Variants in STK32B observed in about 807,000 individuals in gnomAD.
STK32B encodes the protein serine/threonine kinase 32B.
Under a neutral mutation model 52.6 loss-of-function variants are expected in STK32B, and 43 were observed. The observed-to-expected ratio is 0.82, with a 90% CI of 0.64 to 1.05. The LOEUF (loss-of-function observed/expected upper bound fraction) is 1.05. STK32B is among the 50% of genes least tolerant of loss of function. The probability of loss-of-function intolerance (pLI) is 0.00; values close to 1 mark genes in which losing one functional copy is unlikely to be tolerated. For synonymous variants in STK32B, 238 were observed against 204.3 expected (o/e 1.17, Z -1.41); for missense variants, 621 against 534.6 (o/e 1.16, Z -1.59).
chr4:5,486,950 T>C (rs927479627), intron 11 of STK32B, among the ~76,000 whole-genome samples: 3 of 152,242 alleles, frequency 2.0e-5, no homozygotes, highest in African/African-American at 7.2e-5. Context: ...TGGTAAGTAA[T>C]AGCAGTGGGC....
At chr4:5,437,827 G>C in intron 6 of STK32B, 3 of 784,652 alleles carry the variant, frequency 3.8e-6, no homozygotes, top group South Asian at 5.8e-5. Flanking sequence ...CTCTAAACCT[G>C]TGTAGTTCTC....
Position 5,394,116 on chromosome 4 carries a change from C to A in STK32B, c.435-4091C>A, listed in dbSNP as rs1251981706. On this transcript the variant is annotated intron_variant, in intron 4 of 11. Transcript: ENST00000282908. The surrounding 1 kb of genome is among the most constrained non-coding windows in gnomAD (Gnocchi z 4.2). ...CTGCTTTGCAGTCTGTGCATGGGTA[C>A]CTCTGGATCAGAGCCATTTCTATGC... Among the ~76,000 whole-genome samples the A allele has an allele frequency of 6.6e-6, 1 of 152,148 alleles. No individual in the cohort carries two copies. Among genetic ancestry groups the A allele is most frequent in the Non-Finnish European group, 1.5e-5 (1 of 68,030 alleles).
intron 2 of STK32B, among the ~76,000 whole-genome samples, chr4:5,166,425 G>T (rs1337539431): frequency 6.7e-6 from 1 of 150,176 alleles, no homozygotes; most frequent in Non-Finnish European, 1.5e-5. Context: ...CTCAGAATGT[G>T]GCCTTCTTTG....
chr4:5,297,994 A>G (rs977038597), intron 3 of STK32B, among the ~76,000 whole-genome samples: 6 of 152,144 alleles, frequency 3.9e-5, no homozygotes, highest in South Asian at 2.1e-4. Context: ...GTTGATGTCA[A>G]TGCTATTGCT....
At chr4:5,369,116 C>T (rs1405404872) in intron 4 of STK32B, among the ~76,000 whole-genome samples, 1 of 151,912 alleles carries the variant, frequency 6.6e-6, no homozygotes, top group Non-Finnish European at 1.5e-5. Context: ...CTTCTAAGAA[C>T]TCCTTGAAGA....
At chr4:5,202,028 A>T (rs965227323) in intron 3 of STK32B, among the ~76,000 whole-genome samples, 1 of 152,220 alleles carries the variant, frequency 6.6e-6, no homozygotes, top group South Asian at 2.1e-4. Flanking sequence ...GCATTAACCC[A>T]AAAGTCCAAA....
chr4:5,042,006 GCT>G, the STK32B span, among the ~76,000 whole-genome samples: 3 of 152,152 alleles, frequency 2.0e-5, no homozygotes, highest in Admixed American at 2.0e-4. Flanking sequence ...AATCACATTA[GCT>G]TCTACAGCGT....
the STK32B span, among the ~76,000 whole-genome samples, chr4:5,026,285 G>C: frequency 6.6e-6 from 1 of 152,216 alleles, no homozygotes; most frequent in Non-Finnish European, 1.5e-5. Context: ...TCAGTCCTGA[G>C]GGGTTATGGG....
At chr4:5,072,453 A>T (rs566600805) in intron 1 of STK32B, among the ~76,000 whole-genome samples, 7 of 152,196 alleles carry the variant, frequency 4.6e-5, no homozygotes, top group African/African-American at 1.7e-4. Context: ...TTCTTTGCAC[A>T]TTGCAGAAAC....
chr4:5,316,351 ATATAT>A lies in STK32B; in HGVS notation c.261-14863_261-14859del, dbSNP rs1204844240. 9.2e-4 allele frequency among the ~76,000 whole-genome samples: 32 copies of A among 34,616 alleles called. 3 individuals are homozygous for A. The highest frequency in any genetic ancestry group is 5.3e-3 in the South Asian group (5 of 948). The allele number at this position is 34,616 out of a possible 152,430, so 22.7% of individuals were successfully genotyped here. On this transcript the variant is annotated intron_variant, in intron 3 of 11. Coordinates refer to ENST00000282908, the MANE Select transcript of STK32B (RefSeq NM_018401.3). Reference sequence around the variant, plus strand: ...TATATACAATATAATATATTATATCATATATTATATATATTATATATATTAATTAT... The same window carrying A: ...TATATACAATATAATATATTATATCATATATATATTATATATATTAATTAT...
At chr4:5,262,462 A>G (rs1726774651) in intron 3 of STK32B, among the ~76,000 whole-genome samples, 1 of 108,264 alleles carries the variant, frequency 9.2e-6, no homozygotes, top group Non-Finnish European at 1.6e-5. Flanking sequence ...CGTCTCTACT[A>G]AAAAAAAAAA....
At chr4:5,310,233 A>G (rs1730203627) in intron 3 of STK32B, among the ~76,000 whole-genome samples, 1 of 152,192 alleles carries the variant, frequency 6.6e-6, no homozygotes, top group South Asian at 2.1e-4. Context: ...GGAAACAATC[A>G]ACAGAGTAAA....
intron 9 of STK32B, 56 bp from the exon 10 acceptor site, chr4:5,466,647 A>G (rs1717457589): frequency 1.3e-6 from 2 of 1,545,608 alleles, no homozygotes; most frequent in African/African-American, 2.8e-5. Flanking sequence ...TGAAAAGAAA[A>G]TTCAGTGATG....
In STK32B at chr4:5,316,757, CAT is replaced by C. The variant is rs1730858001; in HGVS notation, c.261-14456_261-14455del. Among the ~76,000 whole-genome samples, 4 of 5,630 alleles carry C rather than the reference CAT, an allele frequency of 7.1e-4. No individual in the cohort carries two copies. In the Admixed American group the frequency reaches 0.012, roughly 16 times the overall value. 3.7% of individuals were successfully genotyped at this position (5,630 alleles called of 152,430 possible). A position where few individuals can be genotyped will look rare whatever the true frequency, so the allele number is the denominator to read the frequency against. On this transcript the variant is annotated intron_variant, in intron 3 of 11. Coordinates refer to ENST00000282908, the MANE Select transcript of STK32B (RefSeq NM_018401.3). ...ATATCTTATATAATATATATTATAT[CAT>C]ATATATTATATATATTATATATTAT...
chr4:5,256,575 C>T (rs1726316326), intron 3 of STK32B, among the ~76,000 whole-genome samples: 1 of 152,196 alleles, frequency 6.6e-6, no homozygotes, highest in African/African-American at 2.4e-5. Context: ...AACCGTCAGC[C>T]AGGTTTAAGC....
chr4:5,031,956 A>T, the STK32B span, among the ~76,000 whole-genome samples: 2 of 152,322 alleles, frequency 1.3e-5, no homozygotes, highest in East Asian at 3.9e-4. Flanking sequence ...TGGGAAACAG[A>T]TACCACCTTG....
intron 3 of STK32B, among the ~76,000 whole-genome samples, chr4:5,276,305 A>G (rs1042990484): frequency 1.3e-5 from 2 of 152,036 alleles, no homozygotes; most frequent in Non-Finnish European, 2.9e-5. Flanking sequence ...AGAAAAAAAA[A>G]TTCATTTAAC....
At chr4:5,284,335 G>C (rs1216954491) in intron 3 of STK32B, among the ~76,000 whole-genome samples, 1 of 152,048 alleles carries the variant, frequency 6.6e-6, no homozygotes, top group Non-Finnish European at 1.5e-5. Flanking sequence ...TAAGACAAAA[G>C]TAAACTTTAA....
chr4:5,367,003 A>C (rs1734920196), intron 4 of STK32B, among the ~76,000 whole-genome samples: 1 of 152,096 alleles, frequency 6.6e-6, no homozygotes, highest in African/African-American at 2.4e-5. Context: ...AAATGATAGT[A>C]AGTAGTGAAG....
Sources: gnomAD v4.1 joint callset for allele counts (sites outside exome capture counted in the v4.1 genomes callset) on GRCh38, gnomAD v4.1.1 for gene constraint, Gnocchi (gnomAD v3.1) non-coding constraint, MANE v1.5 for transcripts, NCBI Gene and HGNC (gene_info 2026-07-23, HGNC 2026-07-21) for gene names.